Variants in FOXN3 observed in about 807,000 individuals in gnomAD.
FOXN3 encodes forkhead box N3.
Under a neutral mutation model 38.4 loss-of-function variants are expected in FOXN3, and 7 were observed. That is an observed-to-expected ratio of 0.18 (90% CI 0.10 to 0.34). FOXN3 has a LOEUF of 0.34. Ranked by LOEUF, FOXN3 falls within the 10% of genes least tolerant of loss-of-function variation. The pLI, the probability that FOXN3 is intolerant of heterozygous loss-of-function variation, is 1.00. For missense variants in FOXN3, 456 were observed against 613.4 expected (o/e 0.74, Z 2.71); for synonymous variants, 230 against 242.2 (o/e 0.95, Z 0.47).
At chr14:89,234,510 A>C (rs1418826622) in intron 4 of FOXN3, among the ~76,000 whole-genome samples, 1 of 152,028 alleles carries the variant, frequency 6.6e-6, no homozygotes, top group East Asian at 1.9e-4. Context: ...TGGATTAATT[A>C]GGGGGGCAGA....
At chr14:89,458,198 G>A (rs1049570940) in intron 1 of FOXN3, among the ~76,000 whole-genome samples, 1 of 152,116 alleles carries the variant, frequency 6.6e-6, no homozygotes, top group African/African-American at 2.4e-5. Context: ...CTCCACCCAG[G>A]CCCTCTAAGG....
chr14:89,370,341 C>CCAGCAAGAGG (rs1447138402), intron 2 of FOXN3, among the ~76,000 whole-genome samples: 2 of 152,224 alleles, frequency 1.3e-5, no homozygotes, highest in East Asian at 1.9e-4. Flanking sequence ...AAGATCACAA[C>CCAGCAAGAGG]CAGCAAGAGG....
chr14:89,343,480 C>T (rs1473344880), intron 3 of FOXN3, among the ~76,000 whole-genome samples: 1 of 41,668 alleles, frequency 2.4e-5, no homozygotes, highest in Non-Finnish European at 4.6e-5. Flanking sequence ...TCTATGAAGA[C>T]ATTTAAATTA....
intron 1 of FOXN3, among the ~76,000 whole-genome samples, chr14:89,499,396 C>T (rs779096983): frequency 1.3e-5 from 2 of 151,986 alleles, no homozygotes; most frequent in Non-Finnish European, 2.9e-5. Context: ...AGCCAGTTGC[C>T]TAATGAGCAA....
chr14:89,543,663 A>G (rs1176127084), intron 1 of FOXN3, among the ~76,000 whole-genome samples: 1 of 152,234 alleles, frequency 6.6e-6, no homozygotes, highest in African/African-American at 2.4e-5. Context: ...ACACAAAGTA[A>G]GCTCTTCCAT....
intron 3 of FOXN3, among the ~76,000 whole-genome samples, chr14:89,300,674 C>T (rs1887192269): frequency 6.6e-6 from 1 of 152,208 alleles, no homozygotes; most frequent in Non-Finnish European, 1.5e-5. Flanking sequence ...GACATAAACA[C>T]TGATTTTGGA....
At chr14:89,502,874 G>A (rs946216473) in intron 1 of FOXN3, among the ~76,000 whole-genome samples, 1 of 152,086 alleles carries the variant, frequency 6.6e-6, no homozygotes, top group Non-Finnish European at 1.5e-5. Flanking sequence ...CTCTATGTTG[G>A]TGTCTCTGAC....
At chr14:89,473,665 G>C (rs1372248982) in intron 1 of FOXN3, among the ~76,000 whole-genome samples, 1 of 152,060 alleles carries the variant, frequency 6.6e-6, no homozygotes, top group Non-Finnish European at 1.5e-5. Flanking sequence ...ACCACAGTTG[G>C]CCTCCACGAC....
intron 3 of FOXN3, among the ~76,000 whole-genome samples, chr14:89,297,492 G>A (rs1304469225): frequency 2.0e-5 from 3 of 151,138 alleles, no homozygotes; most frequent in Non-Finnish European, 4.4e-5. Flanking sequence ...ACTGGGAGGC[G>A]GAGCTTGCAG....
chr14:89,266,892 A>G (rs1411503798), intron 4 of FOXN3, among the ~76,000 whole-genome samples: 1 of 152,212 alleles, frequency 6.6e-6, no homozygotes, highest in Admixed American at 6.5e-5. Flanking sequence ...CAGCAACACC[A>G]AAAGCTCATT....
intron 1 of FOXN3, among the ~76,000 whole-genome samples, chr14:89,467,328 C>T (rs562360104): frequency 1.3e-5 from 2 of 152,314 alleles, no homozygotes; most frequent in South Asian, 2.1e-4. Flanking sequence ...GGAAACATGG[C>T]TTCATTACAC....
intron 2 of FOXN3, among the ~76,000 whole-genome samples, chr14:89,374,558 T>C (rs1890416114): frequency 6.6e-6 from 1 of 152,142 alleles, no homozygotes. Flanking sequence ...AGACAAATTA[T>C]GGTATGTTCA....
chr14:89,373,656 G>T (rs1890389050), intron 2 of FOXN3, among the ~76,000 whole-genome samples: 1 of 152,142 alleles, frequency 6.6e-6, no homozygotes, highest in Admixed American at 6.5e-5. Flanking sequence ...GTTTGCTCAT[G>T]ACCCAGGGCC....
chr14:89,363,725 A>G (rs1422819169), intron 2 of FOXN3, among the ~76,000 whole-genome samples: 1 of 152,130 alleles, frequency 6.6e-6, no homozygotes, highest in Non-Finnish European at 1.5e-5. Context: ...TACTAGCAGA[A>G]GAACAAACAG....
At chr14:89,560,261 C>G (rs1469484597) in intron 1 of FOXN3, among the ~76,000 whole-genome samples, 1 of 152,142 alleles carries the variant, frequency 6.6e-6, no homozygotes, top group Non-Finnish European at 1.5e-5. Flanking sequence ...AGGTCCCTCC[C>G]CCAACACTGG....
At chr14:89,330,821 G>C (rs773521105) in intron 3 of FOXN3, among the ~76,000 whole-genome samples, 1 of 152,170 alleles carries the variant, frequency 6.6e-6, no homozygotes, top group Non-Finnish European at 1.5e-5. Flanking sequence ...AGGGATTCCA[G>C]AATCAAGGCC....
chr14:89,352,714 T>C (rs1415919732), intron 2 of FOXN3, among the ~76,000 whole-genome samples: 1 of 152,240 alleles, frequency 6.6e-6, no homozygotes, highest in Non-Finnish European at 1.5e-5. Context: ...ATGGTGGCTT[T>C]CAGGGTGGGA....
intron 4 of FOXN3, among the ~76,000 whole-genome samples, chr14:89,247,239 C>T (rs4904522): frequency 0.8 from 121,298 of 152,166 alleles, 48,395 homozygotes; most frequent in Non-Finnish European, 0.82. Flanking sequence ...AAAGCTTAAG[C>T]ATAATTATTG....
At chr14:89,447,139 T>C (rs1892518503) in intron 1 of FOXN3, among the ~76,000 whole-genome samples, 1 of 149,314 alleles carries the variant, frequency 6.7e-6, no homozygotes, top group Non-Finnish European at 1.5e-5. Context: ...GAGGTTGCAG[T>C]GAGCCGAGAT....
Sources: gnomAD v4.1 joint callset for allele counts (sites outside exome capture counted in the v4.1 genomes callset) on GRCh38, gnomAD v4.1.1 for gene constraint, MANE v1.5 for transcripts, NCBI Gene and HGNC (gene_info 2026-07-23, HGNC 2026-07-21) for gene names.